Variants in RAPGEF4 observed in about 807,000 individuals in gnomAD.
The protein encoded by RAPGEF4 is RAP guanine-nucleotide-exchange factor (GEF) 4.
A neutral mutation model predicts 147.9 loss-of-function variants in RAPGEF4; 66 were observed. The ratio of observed to expected loss-of-function variants is 0.45; its 90% CI spans 0.37 to 0.55. The LOEUF is 0.55. RAPGEF4 is among the 20% of genes least tolerant of loss of function. The pLI is 0.00. For synonymous variants in RAPGEF4, 419 were observed against 442.7 expected, an observed-to-expected ratio of 0.95 and a Z score of 0.67; for missense variants, 1,071 against 1,257.3, an observed-to-expected ratio of 0.85 and a Z score of 2.24.
intron 1 of RAPGEF4, among the ~76,000 whole-genome samples, chr2:172,784,398 G>T (rs1559039514): frequency 6.6e-6 from 1 of 151,846 alleles, no homozygotes; most frequent in Non-Finnish European, 1.5e-5. Flanking sequence ...GGCCCCTGTA[G>T]TCCCAGCTAC....
At chr2:173,050,876 C>CT (rs1686148442) in intron 30 of RAPGEF4, among the ~76,000 whole-genome samples, 1 of 151,942 alleles carries the variant, frequency 6.6e-6, no homozygotes, top group Admixed American at 6.6e-5. Context: ...TCACCACCTT[C>CT]TGGTCTGGCT....
chr2:172,886,373 G>A (rs955982672), intron 4 of RAPGEF4, among the ~76,000 whole-genome samples: 2 of 152,136 alleles, frequency 1.3e-5, no homozygotes, highest in Non-Finnish European at 2.9e-5. Context: ...TTACCATGTA[G>A]ACCTTTACAA....
chr2:173,013,914 T>G (rs2105885075), intron 17 of RAPGEF4, among the ~76,000 whole-genome samples: 1 of 152,296 alleles, frequency 6.6e-6, no homozygotes, highest in Non-Finnish European at 1.5e-5. Flanking sequence ...GCCTTTCCTC[T>G]TCCTACCTCT....
At chr2:172,915,141 A>G (rs1683921719) in intron 4 of RAPGEF4, among the ~76,000 whole-genome samples, 1 of 152,236 alleles carries the variant, frequency 6.6e-6, no homozygotes, top group Non-Finnish European at 1.5e-5. Flanking sequence ...CTTTTAATTT[A>G]CAAGTATAAA....
rs148563606 is a variant in RAPGEF4, at chr2:172,744,230, G to A, written c.65+8182G>A. ...AGGGCCTTAGCATCTGGATCTCCCCGTTTTCTGTTTCCAGTCTGGAAAACA... is the reference window on the plus strand; with the variant it reads ...AGGGCCTTAGCATCTGGATCTCCCCATTTTCTGTTTCCAGTCTGGAAAACA... On this transcript the variant is annotated intron_variant, in intron 1 of 30. Coordinates refer to ENST00000397081, the MANE Select transcript of RAPGEF4 (RefSeq NM_007023.4). 60 of 278,956 alleles carry A rather than the reference G, an allele frequency of 2.2e-4. 1 individual carries two copies. The highest frequency in any genetic ancestry group is 9.9e-4 in the African/African-American group (44 of 44,608). 17.3% of individuals were successfully genotyped at this position (278,956 alleles called of 1,614,324 possible).
At chr2:172,829,540 G>A (rs1169600959) in intron 4 of RAPGEF4, among the ~76,000 whole-genome samples, 3 of 152,156 alleles carry the variant, frequency 2.0e-5, no homozygotes, top group African/African-American at 4.8e-5. Flanking sequence ...TAATACGTAA[G>A]TAATGATAAC....
At chr2:172,800,348 G>T (rs2149562626) in intron 3 of RAPGEF4, among the ~76,000 whole-genome samples, 1 of 152,336 alleles carries the variant, frequency 6.6e-6, no homozygotes, top group South Asian at 2.1e-4. Context: ...ATGGGAGAAA[G>T]AAGCTAAGGA....
intron 1 of RAPGEF4, among the ~76,000 whole-genome samples, chr2:172,768,647 T>C (rs1697076741): frequency 6.6e-6 from 1 of 152,194 alleles, no homozygotes. Flanking sequence ...AAGACATTCT[T>C]CACTGTTTCT....
chr2:172,993,544 T>C (rs1693033733), intron 15 of RAPGEF4, among the ~76,000 whole-genome samples: 1 of 152,228 alleles, frequency 6.6e-6, no homozygotes, highest in Non-Finnish European at 1.5e-5. Context: ...TGGAGTTTGC[T>C]TTTAACTTGG....
At position 172,819,614 on chromosome 2, in the gene RAPGEF4, C is replaced by T. The variant is rs981952595; in HGVS notation, c.444+5189C>T. On this transcript the variant is annotated intron_variant, in intron 4 of 30. Transcript: ENST00000397081. ...CCAAGTAGCTGGGACTACAGGCGCC[C>T]GCCACTACGCCCGGCTAATTTTTTG... is the stretch of plus-strand genomic sequence containing the variant. Among the ~76,000 whole-genome samples the T allele has an allele frequency of 1.1e-3, 166 of 150,832 alleles. 2 individuals are homozygous for T. Among genetic ancestry groups the T allele is most frequent in the Non-Finnish European group, 1.0e-3 (70 of 67,684 alleles).
chr2:172,776,865 T>G (rs1241700286), intron 1 of RAPGEF4, among the ~76,000 whole-genome samples: 2 of 152,230 alleles, frequency 1.3e-5, no homozygotes, highest in East Asian at 3.8e-4. Flanking sequence ...TAAACATATT[T>G]ATTATAGTTG....
At chr2:172,949,882 G>C (rs1688038277) in intron 6 of RAPGEF4, among the ~76,000 whole-genome samples, 1 of 152,144 alleles carries the variant, frequency 6.6e-6, no homozygotes, top group Admixed American at 6.5e-5. Flanking sequence ...TTGTTACTGT[G>C]ACATAGTTTT....
intron 4 of RAPGEF4, among the ~76,000 whole-genome samples, chr2:172,854,873 A>G (rs1314717085): frequency 1.3e-5 from 2 of 152,200 alleles, no homozygotes; most frequent in African/African-American, 4.8e-5. Flanking sequence ...AGACTGCAGC[A>G]CAGTTTTGAG....
chr2:172,902,132 C>T (rs1055612059), intron 4 of RAPGEF4, among the ~76,000 whole-genome samples: 1 of 151,974 alleles, frequency 6.6e-6, no homozygotes, highest in South Asian at 2.1e-4. Flanking sequence ...GTTGAAGGAC[C>T]TGAAAGAGGG....
At chr2:172,759,996 C>T (rs1696144394) in intron 1 of RAPGEF4, among the ~76,000 whole-genome samples, 1 of 152,182 alleles carries the variant, frequency 6.6e-6, no homozygotes, top group African/African-American at 2.4e-5. Context: ...TCATGTATCC[C>T]AGGCTGGATA....
At chr2:172,907,566 G>C (rs951723303) in intron 4 of RAPGEF4, among the ~76,000 whole-genome samples, 1 of 152,028 alleles carries the variant, frequency 6.6e-6, no homozygotes, top group Non-Finnish European at 1.5e-5. Flanking sequence ...TTACCATGTG[G>C]GTGAAAAACA....
chr2:173,004,277 A>G (rs1037609897), intron 17 of RAPGEF4, among the ~76,000 whole-genome samples: 2 of 152,200 alleles, frequency 1.3e-5, no homozygotes, highest in African/African-American at 2.4e-5. Flanking sequence ...CAGTTTGGAC[A>G]TGATTTGACC....
chr2:172,809,048 C>A (rs1247952247), intron 3 of RAPGEF4, among the ~76,000 whole-genome samples: 1 of 152,206 alleles, frequency 6.6e-6, no homozygotes, highest in Admixed American at 6.5e-5. Context: ...GACTTAACTT[C>A]AGCTGGTGCC....
rs776308533 is a variant in RAPGEF4 at position 173,027,110 on chromosome 2, G to C, written c.2409G>C (p.Arg803Ser). The C allele has an allele frequency of 2.5e-6, 4 of 1,607,112 alleles. No homozygotes were observed. The South Asian group carries it at 4.5e-5, about 18-fold the overall frequency. Residue 803 changes from arginine (R) to serine (S), a missense_variant, in exon 25 of 31, where the codon AGG becomes AGC. Physicochemically the swap from Arg to Ser is moderately radical, Grantham distance 110. Transcript: ENST00000397081. Reference sequence around the variant, plus strand: ...AGCTAATCTATCACACATTTGGAAGGCATAATTTTAAAAAGACCACAGCAA... The same window carrying C: ...AGCTAATCTATCACACATTTGGAAGCCATAATTTTAAAAAGACCACAGCAA... ...ELELIYHTFG[R>S]HNFKKTTANL...
Sources: gnomAD v4.1 joint callset for allele counts (sites outside exome capture counted in the v4.1 genomes callset) on GRCh38, gnomAD v4.1.1 for gene constraint, MANE v1.5 for transcripts, NCBI Gene and HGNC (gene_info 2026-07-23, HGNC 2026-07-21) for gene names.